The following GPHN variants were observed in gnomAD, a reference collection of about 807,000 sequenced individuals.
GPHN encodes gephyrin.
In GPHN, 17 loss-of-function variants were observed where a neutral mutation model predicts 95.5. That is an observed-to-expected ratio of 0.18 (90% confidence interval 0.12 to 0.27). The LOEUF (loss-of-function observed/expected upper bound fraction) is 0.27, where lower values mean the gene tolerates loss of function less well. Ranked by LOEUF, GPHN falls within the 10% of genes least tolerant of loss-of-function variation. GPHN has a pLI of 1.00. For missense variants in GPHN, 660 were observed against 978.1 expected (o/e 0.67, Z 4.34); for synonymous variants, 320 against 322.5 (o/e 0.99, Z 0.08).
chr14:67,731,365 C>A, the GPHN span, among the ~76,000 whole-genome samples: 1 of 151,794 alleles, frequency 6.6e-6, no homozygotes, highest in Non-Finnish European at 1.5e-5. Context: ...CAGGTGCATG[C>A]CACGACGCCC....
At chr14:66,999,579 C>T (rs1340531768) in intron 9 of GPHN, among the ~76,000 whole-genome samples, 9 of 151,566 alleles carry the variant, frequency 5.9e-5, no homozygotes, top group South Asian at 2.1e-4. Context: ...ATTGGCTTTA[C>T]GTTTAGAATA....
At chr14:67,360,365 A>C in the GPHN span, 2 of 397,066 alleles carry the variant, frequency 5.0e-6, no homozygotes, top group South Asian at 2.7e-4. Flanking sequence ...GCTGAGGAGG[A>C]TCGGCGGCCG....
At chr14:66,924,123 T>C (rs2066354855) in intron 7 of GPHN, 71 bp from the exon 8 acceptor site, 2 of 851,110 alleles carry the variant, frequency 2.3e-6, no homozygotes, top group Non-Finnish European at 2.0e-6. Context: ...TTTTCCTTTT[T>C]AGTCATTTTG....
chr14:66,755,679 C>G (rs2058530675), intron 2 of GPHN, among the ~76,000 whole-genome samples: 1 of 151,948 alleles, frequency 6.6e-6, no homozygotes, highest in Non-Finnish European at 1.5e-5. Flanking sequence ...GTAAAAATTC[C>G]TGTGACCCAT....
At chr14:66,762,467 A>G (rs776876914) in intron 2 of GPHN, among the ~76,000 whole-genome samples, 3 of 152,048 alleles carry the variant, frequency 2.0e-5, no homozygotes, top group Non-Finnish European at 4.4e-5. Flanking sequence ...ATGGTGTAAA[A>G]TCTGAAGAAC....
chr14:66,528,462 CT>C (rs1290016593), intron 1 of GPHN, among the ~76,000 whole-genome samples: 4 of 152,078 alleles, frequency 2.6e-5, no homozygotes, highest in Admixed American at 6.5e-5. Context: ...GCCCATTTAC[CT>C]TTAAGGTAAA....
chr14:66,872,054 G>A (rs61410439), intron 4 of GPHN, among the ~76,000 whole-genome samples: 12,792 of 152,140 alleles, frequency 0.084, 1,347 homozygotes, highest in African/African-American at 0.24. Context: ...TGTTATGCTA[G>A]GATTCACTGT....
chr14:66,578,241 G>T (rs1483247444), intron 1 of GPHN, among the ~76,000 whole-genome samples: 3 of 151,352 alleles, frequency 2.0e-5, no homozygotes, highest in Admixed American at 2.0e-4. Context: ...TAAGCTCACA[G>T]ACTGGTTATT....
chr14:66,939,094 T>A (rs889300599), intron 8 of GPHN, among the ~76,000 whole-genome samples: 2 of 152,036 alleles, frequency 1.3e-5, no homozygotes, highest in African/African-American at 2.4e-5. Flanking sequence ...ACTCTTGGAG[T>A]CAAAACTTTA....
the GPHN span, chr14:67,650,475 G>C: frequency 1.9e-6 from 1 of 535,190 alleles, no homozygotes; most frequent in South Asian, 2.3e-5. Flanking sequence ...TAGTTGAACA[G>C]GGATGGTTTA....
chr14:66,818,098 C>CT (rs974139579), intron 3 of GPHN, among the ~76,000 whole-genome samples: 3 of 151,928 alleles, frequency 2.0e-5, no homozygotes, highest in South Asian at 2.1e-4. Flanking sequence ...TATAATCCCT[C>CT]TTTTTTTTAA....
chr14:67,594,572 G>A, the GPHN span, among the ~76,000 whole-genome samples: 1 of 151,640 alleles, frequency 6.6e-6, no homozygotes, highest in Non-Finnish European at 1.5e-5. Flanking sequence ...GCTTGAACCT[G>A]GGAGGCGGAG....
chr14:67,684,868 T>C, the GPHN span: 1 of 540,102 alleles, frequency 1.9e-6, no homozygotes, highest in Non-Finnish European at 3.2e-6. Flanking sequence ...GAGAGTCAAA[T>C]TCCCCTACTA....
the GPHN span, among the ~76,000 whole-genome samples, chr14:67,325,979 C>CTTTTTTTTTTTTT: frequency 5.6e-4 from 62 of 110,204 alleles, no homozygotes; most frequent in African/African-American, 8.6e-4. Flanking sequence ...CGGCTCTTTT[C>CTTTTTTTTTTTTT]TTTTTTTTTT....
the GPHN span, among the ~76,000 whole-genome samples, chr14:67,610,471 T>C: frequency 6.6e-6 from 1 of 152,202 alleles, no homozygotes; most frequent in African/African-American, 2.4e-5. Flanking sequence ...TGGTAGGGGC[T>C]TGAACATAGT....
chr14:67,134,953 C>CTTCTTTTTTTTTTTTTTTTTTTTT (rs573340363), intron 17 of GPHN, among the ~76,000 whole-genome samples: 4 of 45,250 alleles, frequency 8.8e-5, no homozygotes, highest in Non-Finnish European at 1.7e-4. Context: ...TTTCTTTCTT[C>CTTCTTTTTTTTTTTTTTTTTTTTT]TTTTTTTTTT....
chr14:66,916,076 C>T lies in GPHN; in HGVS notation c.456+7C>T. On this transcript the variant is annotated splice_region_variant and intron_variant, in intron 6 of 22. Transcript: ENST00000478722. The stretch of plus-strand genomic sequence containing the variant: ...TAGCAAGAAAGGATCTCAGGTAAAT[C>T]ACCTGGACATATTAATGGTTTAGTG... 1.3e-6 allele frequency: 2 copies of T among 1,550,612 alleles called. No individual in the cohort carries two copies. Among genetic ancestry groups the T allele is most frequent in the Admixed American group, 1.7e-5 (1 of 59,846 alleles).
At chr14:67,437,787 G>A in the GPHN span, among the ~76,000 whole-genome samples, 11 of 152,086 alleles carry the variant, frequency 7.2e-5, no homozygotes, top group African/African-American at 1.4e-4. Flanking sequence ...ACCCAAAGAC[G>A]GGTGGTACCA....
chr14:66,949,305 G>A (rs544363193), intron 8 of GPHN, among the ~76,000 whole-genome samples: 2 of 152,130 alleles, frequency 1.3e-5, no homozygotes, highest in South Asian at 2.1e-4. Context: ...GGCTGGTCTC[G>A]AACTGGCTGG....
Sources: allele counts gnomAD v4.1 joint callset (sites outside exome capture counted in the v4.1 genomes callset), GRCh38; gene constraint gnomAD v4.1.1; transcripts MANE v1.5; gene names NCBI Gene and HGNC (gene_info 2026-07-23, HGNC 2026-07-21).